The following ATRNL1 variants were observed in gnomAD, a reference collection of about 807,000 sequenced individuals.
ATRNL1 encodes attractin like 1.
ATRNL1 carries 95 observed loss-of-function variants against 182.7 expected under a neutral mutation model. That is an observed-to-expected ratio of 0.52 (90% CI 0.44 to 0.62). The LOEUF is 0.62. Ranked by LOEUF, ATRNL1 falls within the 20% of genes least tolerant of loss-of-function variation. The pLI is 0.00. For synonymous variants in ATRNL1, 576 were observed against 568.3 expected, an observed-to-expected ratio of 1.01 and a Z score of -0.19; for missense variants, 1,471 against 1,679.5, an observed-to-expected ratio of 0.88 and a Z score of 2.17.
intron 26 of ATRNL1, among the ~76,000 whole-genome samples, chr10:115,701,040 C>T (rs1446168284): frequency 6.6e-6 from 1 of 151,996 alleles, no homozygotes; most frequent in Non-Finnish European, 1.5e-5. Flanking sequence ...ACTCTAAGAT[C>T]AACCCCATGC....
At chr10:115,722,822 T>C (rs542412733) in intron 26 of ATRNL1, among the ~76,000 whole-genome samples, 12 of 152,268 alleles carry the variant, frequency 7.9e-5, no homozygotes, top group East Asian at 3.9e-4. Context: ...AAATCTGATA[T>C]TGATTTGCAA....
At chr10:115,224,751 A>G (rs1473709515) in intron 9 of ATRNL1, among the ~76,000 whole-genome samples, 1 of 152,198 alleles carries the variant, frequency 6.6e-6, no homozygotes, top group Non-Finnish European at 1.5e-5. Context: ...ACAAATTTCT[A>G]GAAAAACAAA....
intron 21 of ATRNL1, among the ~76,000 whole-genome samples, chr10:115,457,956 A>G (rs1028664080): frequency 3.9e-5 from 6 of 152,096 alleles, no homozygotes; most frequent in African/African-American, 1.2e-4. Context: ...CTTATTCTTC[A>G]TGCTAATTTT....
chr10:115,380,706 G>A (rs1039435834), intron 19 of ATRNL1, among the ~76,000 whole-genome samples: 1 of 152,116 alleles, frequency 6.6e-6, no homozygotes, highest in Non-Finnish European at 1.5e-5. Context: ...TACCAGGACT[G>A]TACTAATTTT....
At chr10:115,300,794 A>G (rs1853431885) in intron 16 of ATRNL1, among the ~76,000 whole-genome samples, 1 of 152,202 alleles carries the variant, frequency 6.6e-6, no homozygotes. Context: ...GGCATTAAAT[A>G]CTTTGACACT....
chr10:115,443,763 C>T (rs1466430116), intron 21 of ATRNL1, among the ~76,000 whole-genome samples: 1 of 151,980 alleles, frequency 6.6e-6, no homozygotes, highest in East Asian at 1.9e-4. Flanking sequence ...TTTATCAGCC[C>T]CATCTCCGTA....
chr10:115,744,131 A>C (rs1425907266), intron 27 of ATRNL1, among the ~76,000 whole-genome samples: 1 of 152,146 alleles, frequency 6.6e-6, no homozygotes, highest in Non-Finnish European at 1.5e-5. Flanking sequence ...TGTCTTTGAA[A>C]GATACATCAT....
chr10:115,424,807 G>T (rs2134389753), intron 20 of ATRNL1, among the ~76,000 whole-genome samples: 1 of 152,142 alleles, frequency 6.6e-6, no homozygotes, highest in African/African-American at 2.4e-5. Context: ...GGCTTGGGAG[G>T]GTATGAGGAG....
chr10:115,556,534 A>G (rs1592846251), intron 26 of ATRNL1, among the ~76,000 whole-genome samples: 1 of 152,196 alleles, frequency 6.6e-6, no homozygotes. Flanking sequence ...TGATTATATA[A>G]TGTCATTGAT....
At chr10:115,910,618 A>G (rs770653040) in intron 28 of ATRNL1, among the ~76,000 whole-genome samples, 4 of 151,962 alleles carry the variant, frequency 2.6e-5, no homozygotes, top group Non-Finnish European at 5.9e-5. Flanking sequence ...TTAATGCACT[A>G]TACAGGATAT....
chr10:115,628,119 C>G (rs1231166816), intron 26 of ATRNL1, among the ~76,000 whole-genome samples: 1 of 150,364 alleles, frequency 6.7e-6, no homozygotes, highest in Non-Finnish European at 1.5e-5. Context: ...TGCACTCCAG[C>G]CTGGGCAACA....
chr10:115,668,676 A>G (rs1007572349), intron 26 of ATRNL1, among the ~76,000 whole-genome samples: 1 of 152,034 alleles, frequency 6.6e-6, no homozygotes, highest in African/African-American at 2.4e-5. Flanking sequence ...TAAAATGTCC[A>G]TTTTTTCTCT....
At chr10:115,711,498 C>G (rs889875872) in intron 26 of ATRNL1, among the ~76,000 whole-genome samples, 27 of 152,204 alleles carry the variant, frequency 1.8e-4, no homozygotes. Context: ...ATGGCAAAAG[C>G]TTTTCCCCTC....
At chr10:115,393,359 G>A (rs765480959) in intron 19 of ATRNL1, among the ~76,000 whole-genome samples, 2 of 152,068 alleles carry the variant, frequency 1.3e-5, no homozygotes, top group Non-Finnish European at 2.9e-5. Flanking sequence ...ACATTTGTTT[G>A]CATTTATTAA....
At chr10:115,721,445 T>C (rs1202115698) in intron 26 of ATRNL1, among the ~76,000 whole-genome samples, 1 of 152,102 alleles carries the variant, frequency 6.6e-6, no homozygotes, top group African/African-American at 2.4e-5. Context: ...TACTTGAGAC[T>C]GGGAAGAAAA....
At chr10:115,533,434 G>A (rs1851734808) in intron 25 of ATRNL1, among the ~76,000 whole-genome samples, 1 of 151,082 alleles carries the variant, frequency 6.6e-6, no homozygotes, top group South Asian at 2.1e-4. Flanking sequence ...TATTTCTGTG[G>A]GATCAGTGGT....
intron 24 of ATRNL1, among the ~76,000 whole-genome samples, chr10:115,481,369 CAT>C (rs1456266678): frequency 4.0e-5 from 6 of 150,624 alleles, no homozygotes; most frequent in Non-Finnish European, 8.9e-5. Context: ...TTCTTTTGCA[CAT>C]ATGTCCCCAA....
At chr10:115,825,908 C>G (rs1385174781) in intron 27 of ATRNL1, among the ~76,000 whole-genome samples, 3 of 152,136 alleles carry the variant, frequency 2.0e-5, no homozygotes, top group Non-Finnish European at 4.4e-5. Context: ...AACTATTCCA[C>G]CTGTTAAGCT....
chr10:115,491,451 G>A (rs1291634691), intron 24 of ATRNL1, among the ~76,000 whole-genome samples: 2 of 151,962 alleles, frequency 1.3e-5, no homozygotes, highest in Non-Finnish European at 2.9e-5. Context: ...TGCACAGAGT[G>A]GAGGAATCTA....
Sources: allele counts gnomAD v4.1 joint callset (sites outside exome capture counted in the v4.1 genomes callset), GRCh38; gene constraint gnomAD v4.1.1; transcripts MANE v1.5; gene names NCBI Gene and HGNC (gene_info 2026-07-23, HGNC 2026-07-21).